The following SLC20A2 variants were observed in gnomAD, a reference collection of about 807,000 sequenced individuals.
SLC20A2 encodes the protein sodium-dependent phosphate transporter 2.
SLC20A2 carries 30 observed loss-of-function variants against 61.0 expected under a neutral mutation model. That is an observed-to-expected ratio of 0.49 (90% CI 0.37 to 0.67). The LOEUF (loss-of-function observed/expected upper bound fraction) is 0.67. SLC20A2 is among the 30% of genes least tolerant of loss of function. The pLI is 0.00. For missense variants in SLC20A2, 626 were observed against 866.4 expected, an observed-to-expected ratio of 0.72 and a Z score of 3.48; for synonymous variants, 351 against 353.3, an observed-to-expected ratio of 0.99 and a Z score of 0.07.
At position 42,472,246 on chromosome 8, in the gene SLC20A2, T is replaced by C. The variant is rs1023863539; in HGVS notation, c.145A>G (p.Ile49Val). The change falls in exon 2 of 11, where the codon ATT becomes GTT. Residue 49 changes from isoleucine to valine, a missense_variant. By Grantham distance (29) the Ile-to-Val change is conservative (BLOSUM62 3). Transcript: ENST00000520262. This position sits in a 1 kb window ranked among gnomAD's most constrained non-coding sequence, Gnocchi z 4.1. ...GTGGTTTCAAATATTGAAGCTAAAA[T>C]GCATGCCTGCCTCAAGGTCACCACA... ...SGVVTLRQAC[I>V]LASIFETTGS... The C allele has an allele frequency of 6.2e-7, 1 of 1,614,142 alleles. No homozygotes were observed. The highest frequency in any genetic ancestry group is 2.2e-5 in the East Asian group (1 of 44,884).
At chr8:42,507,378 T>TAAA (rs1235137433) in intron 1 of SLC20A2, among the ~76,000 whole-genome samples, 10 of 133,348 alleles carry the variant, frequency 7.5e-5, no homozygotes, top group African/African-American at 2.4e-4. Flanking sequence ...CCTCTTCAGC[T>TAAA]AAAAAAAAAA....
chr8:42,435,811 G>A (rs117922533), intron 8 of SLC20A2, among the ~76,000 whole-genome samples: 3,966 of 152,266 alleles, frequency 0.026, 75 homozygotes, highest in Non-Finnish European at 0.038. Flanking sequence ...CTTCTCACTG[G>A]GGTTGAAGAT....
chr8:42,450,520 C>T (rs528047625), intron 5 of SLC20A2, among the ~76,000 whole-genome samples: 3 of 150,318 alleles, frequency 2.0e-5, no homozygotes, highest in East Asian at 2.0e-4. Context: ...TGAGCCACTG[C>T]GCCCGGCCTC....
At chr8:42,432,380 TGAG>T (rs1215522034) in intron 8 of SLC20A2, among the ~76,000 whole-genome samples, 2 of 152,204 alleles carry the variant, frequency 1.3e-5, no homozygotes, top group Non-Finnish European at 2.9e-5. Flanking sequence ...CTTGAAAAGA[TGAG>T]GAGGTGCTTC....
Position 42,520,750 on chromosome 8 carries a change from CA to C in SLC20A2, c.-265+21070del, listed in dbSNP as rs1215077479. Among the ~76,000 whole-genome samples the C allele has an allele frequency of 5.9e-4, 51 of 86,314 alleles. 5 individuals are homozygous for C. Among genetic ancestry groups the C allele is most frequent in the East Asian group, 6.5e-4 (2 of 3,072 alleles). 56.6% of individuals were successfully genotyped at this position (86,314 alleles called of 152,430 possible). ...CAAAACAAAAAAACAAAAAACAAACCAAAAAAAAAAACCCCATTACTTGAAA... is the reference window on the plus strand; with the variant it reads ...CAAAACAAAAAAACAAAAAACAAACCAAAAAAAAAACCCCATTACTTGAAA... On this transcript the variant is annotated intron_variant, in intron 1 of 10. Transcript: ENST00000342228.
At chr8:42,430,413 A>C (rs1803766498) in intron 8 of SLC20A2, among the ~76,000 whole-genome samples, 164 bp from the exon 9 acceptor site, 1 of 151,964 alleles carries the variant, frequency 6.6e-6, no homozygotes, top group Admixed American at 6.6e-5. Context: ...CCCAGGCTTG[A>C]GTGCAGTGGT....
chr8:42,472,223 G>A lies in SLC20A2; in HGVS notation c.168C>T (p.Thr56=). 6.2e-7 allele frequency: 1 copy of A among 1,614,144 alleles called. No homozygotes were observed. The highest frequency in any genetic ancestry group is 8.5e-7 in the Non-Finnish European group (1 of 1,180,044). ...TGGCGCCTAGTAACACGGAGCCGGT[G>A]GTTTCAAATATTGAAGCTAAAATGC... ...QACILASIFE[T]TGSVLLGAKV... Residue 56 remains threonine, a synonymous_variant, in exon 2 of 11, where the codon ACC becomes ACT. Transcript: ENST00000520262. This position sits in a 1 kb window ranked among gnomAD's most constrained non-coding sequence, Gnocchi z 4.1.
At chr8:42,458,684 G>A (rs1324694022) in intron 5 of SLC20A2, among the ~76,000 whole-genome samples, 4 of 151,268 alleles carry the variant, frequency 2.6e-5, no homozygotes, top group African/African-American at 4.9e-5. Context: ...AAGGTGGGGC[G>A]GATCATGAGG....
At chr8:42,512,960 G>A (rs1473329693) in intron 1 of SLC20A2, among the ~76,000 whole-genome samples, 1 of 152,140 alleles carries the variant, frequency 6.6e-6, no homozygotes, top group Non-Finnish European at 1.5e-5. Context: ...GATAAGGAAC[G>A]AATAACACAA....
chr8:42,507,187 G>GT (rs1810759366), intron 1 of SLC20A2, among the ~76,000 whole-genome samples: 1 of 152,294 alleles, frequency 6.6e-6, no homozygotes, highest in Admixed American at 6.5e-5. Flanking sequence ...TGAGCCACTA[G>GT]TATCAGGTGG....
At chr8:42,520,809 C>T (rs972456743) in intron 1 of SLC20A2, among the ~76,000 whole-genome samples, 4 of 117,860 alleles carry the variant, frequency 3.4e-5, no homozygotes, top group African/African-American at 1.0e-4. Flanking sequence ...TGTCTGAGAA[C>T]GGTAATTATT....
chr8:42,443,456 C>T (rs960878644), intron 6 of SLC20A2, among the ~76,000 whole-genome samples: 4 of 151,366 alleles, frequency 2.6e-5, no homozygotes, highest in Non-Finnish European at 2.9e-5. Flanking sequence ...GCTGGGACTA[C>T]AGGCACCTGC....
rs147717481 is a variant in SLC20A2, at chr8:42,481,204, G to A, written c.-264-8550C>T. ...CCTGTTTTGGTTTACAGAGTTAGAA[G>A]ATCATAGAACATTAGGGTCTGAAGG... On this transcript the variant is annotated intron_variant, in intron 1 of 10. Transcript: ENST00000520262. Among the ~76,000 whole-genome samples, 78 of 152,308 alleles carry A rather than the reference G, an allele frequency of 5.1e-4. 2 individuals are homozygous for A. The highest frequency in any genetic ancestry group is 1.8e-3 in the African/African-American group (74 of 41,574).
At chr8:42,483,042 G>A (rs1808673526) in intron 1 of SLC20A2, among the ~76,000 whole-genome samples, 2 of 149,036 alleles carry the variant, frequency 1.3e-5, no homozygotes, top group South Asian at 4.3e-4. Context: ...GCAAAACTCA[G>A]TCTCTTAAAG....
At chr8:42,450,785 T>A (rs1454796630) in intron 5 of SLC20A2, among the ~76,000 whole-genome samples, 1 of 152,094 alleles carries the variant, frequency 6.6e-6, no homozygotes, top group African/African-American at 2.4e-5. Flanking sequence ...CTGCCTCCCA[T>A]AAGTGCTGGG....
At position 42,472,407 on chromosome 8, in the gene SLC20A2, C is replaced by T. The variant is rs2293988; in HGVS notation, c.-17G>A. On this transcript the variant is annotated 5_prime_UTR_variant, in exon 2 of 11. Transcript: ENST00000520262. This position sits in a 1 kb window ranked among gnomAD's most constrained non-coding sequence, Gnocchi z 4.1. ...CATGGCCATTTTGGAAAGTGGGTGC[C>T]GGGTACTTTTCTTTTGCAGGAATAT... is the stretch of plus-strand genomic sequence containing the variant. 63 of 1,601,304 alleles carry T rather than the reference C, an allele frequency of 3.9e-5. 1 individual carries two copies. In the East Asian group the frequency reaches 6.3e-4, roughly 16 times the overall value.
intron 1 of SLC20A2, among the ~76,000 whole-genome samples, chr8:42,485,212 G>C (rs1334323808): frequency 6.6e-6 from 1 of 152,142 alleles, no homozygotes; most frequent in Non-Finnish European, 1.5e-5. Flanking sequence ...GGAATGTTCA[G>C]GGAGGTCAGC....
At chr8:42,481,355 C>A (rs917060622) in intron 1 of SLC20A2, among the ~76,000 whole-genome samples, 1 of 152,126 alleles carries the variant, frequency 6.6e-6, no homozygotes, top group Non-Finnish European at 1.5e-5. Context: ...CCACACCACA[C>A]CAGGGTAGGA....
Position 42,437,289 on chromosome 8 carries a change from G to A in SLC20A2, c.1223C>T (p.Ser408Leu), listed in dbSNP as rs747841902. ...VHATFRAADS[S>L]APEDSEKLVG... ...CAGCTTCTCACTGTCCTCTGGGGCC[G>A]ATGAGTCCGCAGCTCGAAAGGTGGC... Residue 408 changes from serine (S) to leucine (L), a missense_variant, in exon 8 of 11, where the codon TCG becomes TTG. Ser to Leu is a moderately radical substitution (Grantham distance 145). Around this residue, in one of 3 missense-constraint regions of SLC20A2, gnomAD observed 361 missense variants for 422.3 expected, o/e 0.85. Coordinates refer to ENST00000520262, the MANE Select transcript of SLC20A2 (RefSeq NM_001257180.2). The surrounding 1 kb of genome is among the most constrained non-coding windows in gnomAD (Gnocchi z 6.4). 2 of 1,614,036 alleles carry A rather than the reference G, an allele frequency of 1.2e-6. No individual in the cohort carries two copies. The highest frequency in any genetic ancestry group is 1.7e-5 in the Admixed American group (1 of 60,002).
Sources: gnomAD v4.1 joint callset for allele counts (sites outside exome capture counted in the v4.1 genomes callset) on GRCh38, gnomAD v4.1.1 for gene constraint, gnomAD v4.1.1 regional missense constraint, Gnocchi (gnomAD v3.1) non-coding constraint, MANE v1.5 for transcripts, NCBI Gene and HGNC (gene_info 2026-07-23, HGNC 2026-07-21) for gene names.